NALF1: variants seen among roughly 807,000 people sequenced by gnomAD.
NALF1 encodes family with sequence similarity 155 member A.
Under a neutral mutation model 48.4 loss-of-function variants are expected in NALF1, and 3 were observed. The observed-to-expected ratio is 0.06, with a 90% CI of 0.03 to 0.16. The LOEUF (loss-of-function observed/expected upper bound fraction) is 0.16, where lower values mean the gene tolerates loss of function less well. NALF1 is among the 10% of genes least tolerant of loss of function. The pLI is 1.00. For missense variants in NALF1, 526 were observed against 571.5 expected (o/e 0.92, Z 0.81); for synonymous variants, 262 against 245.7 (o/e 1.07, Z -0.62).
chr13:107,682,513 C>T (rs1881332470), intron 1 of NALF1, among the ~76,000 whole-genome samples: 1 of 152,140 alleles, frequency 6.6e-6, no homozygotes, highest in African/African-American at 2.4e-5. Flanking sequence ...CCACATTCAG[C>T]TCAAATATTT....
intron 1 of NALF1, among the ~76,000 whole-genome samples, chr13:107,799,276 A>G (rs2138594691): frequency 6.6e-6 from 1 of 152,110 alleles, no homozygotes; most frequent in East Asian, 1.9e-4. Context: ...TTAGCCACAG[A>G]CTCCTCTCAT....
At chr13:107,590,981 A>G (rs1163583206) in intron 1 of NALF1, among the ~76,000 whole-genome samples, 3 of 152,040 alleles carry the variant, frequency 2.0e-5, no homozygotes, top group Non-Finnish European at 4.4e-5. Context: ...GCATTCTATT[A>G]GAAACTCTAG....
intron 1 of NALF1, among the ~76,000 whole-genome samples, chr13:107,283,821 G>A (rs559389121): frequency 2.6e-4 from 40 of 151,732 alleles, no homozygotes; most frequent in South Asian, 1.3e-3. Context: ...CACTATGCCC[G>A]GCTAATTTTT....
chr13:107,287,163 C>CTAAAAACATATGG (rs1415568446), intron 1 of NALF1, among the ~76,000 whole-genome samples: 4 of 152,168 alleles, frequency 2.6e-5, no homozygotes, highest in Admixed American at 6.5e-5. Context: ...CTGTTAGTGA[C>CTAAAAACATATGG]TAAAAACATA....
intron 1 of NALF1, among the ~76,000 whole-genome samples, chr13:107,422,627 C>T (rs147308237): frequency 5.3e-5 from 8 of 152,184 alleles, no homozygotes; most frequent in East Asian, 1.9e-4. Context: ...AATGGCTCCC[C>T]GCAAAAGCCA....
chr13:107,253,886 C>T (rs1041327431), intron 1 of NALF1, among the ~76,000 whole-genome samples: 3 of 152,020 alleles, frequency 2.0e-5, no homozygotes, highest in Non-Finnish European at 2.9e-5. Context: ...ACTCTGCAGC[C>T]GTCATCGCTT....
At chr13:107,453,665 C>T (rs1884779300) in intron 1 of NALF1, among the ~76,000 whole-genome samples, 1 of 152,244 alleles carries the variant, frequency 6.6e-6, no homozygotes, top group Non-Finnish European at 1.5e-5. Context: ...CTCTCTGTTA[C>T]TTATGCAAAT....
intron 1 of NALF1, among the ~76,000 whole-genome samples, chr13:107,392,023 T>A (rs1883635553): frequency 6.6e-6 from 1 of 151,982 alleles, no homozygotes; most frequent in African/African-American, 2.4e-5. Flanking sequence ...AAAGTCATGG[T>A]CTCAGTTTAG....
intron 1 of NALF1, among the ~76,000 whole-genome samples, chr13:107,837,366 CTAT>C (rs1182258061): frequency 6.6e-6 from 1 of 152,176 alleles, no homozygotes; most frequent in Admixed American, 6.5e-5. Context: ...CCTCCAGAGC[CTAT>C]TGAACCATAG....
chr13:107,811,032 T>G (rs1311124945), intron 1 of NALF1, among the ~76,000 whole-genome samples: 2 of 152,156 alleles, frequency 1.3e-5, no homozygotes, highest in Admixed American at 1.3e-4. Flanking sequence ...TAACGCACAA[T>G]TATATCCTGT....
intron 2 of NALF1, among the ~76,000 whole-genome samples, chr13:107,186,874 T>G (rs1171548437): frequency 6.6e-6 from 1 of 152,188 alleles, no homozygotes; most frequent in Non-Finnish European, 1.5e-5. Flanking sequence ...GAAATCAAGG[T>G]ATGGGATTTG....
intron 1 of NALF1, among the ~76,000 whole-genome samples, chr13:107,764,388 A>G (rs930132297): frequency 1.3e-5 from 2 of 152,114 alleles, no homozygotes; most frequent in Middle Eastern, 3.2e-3. Flanking sequence ...TATATATTAT[A>G]TATGTGTGCA....
chr13:107,389,583 C>T (rs1740345770), intron 1 of NALF1, among the ~76,000 whole-genome samples: 1 of 152,072 alleles, frequency 6.6e-6, no homozygotes, highest in Admixed American at 6.5e-5. Context: ...ATTAAGCTAC[C>T]AAGGTTGTGA....
At chr13:107,457,113 C>T (rs1594072936) in intron 1 of NALF1, among the ~76,000 whole-genome samples, 1 of 151,968 alleles carries the variant, frequency 6.6e-6, no homozygotes, top group East Asian at 1.9e-4. Flanking sequence ...TTCTTACTTT[C>T]TTACTTAGCT....
intron 1 of NALF1, among the ~76,000 whole-genome samples, chr13:107,825,569 A>G (rs931303983): frequency 1.3e-5 from 2 of 152,220 alleles, no homozygotes; most frequent in African/African-American, 4.8e-5. Context: ...AACTGCTGGA[A>G]ATATTATTTC....
intron 1 of NALF1, among the ~76,000 whole-genome samples, chr13:107,600,163 A>G (rs780725766): frequency 4.6e-5 from 7 of 152,194 alleles, no homozygotes; most frequent in Non-Finnish European, 7.3e-5. Flanking sequence ...GGCATTCAGA[A>G]TTCAAGGTTG....
chr13:107,828,642 CACACA>C (rs1459336931), intron 1 of NALF1, among the ~76,000 whole-genome samples: 10 of 147,272 alleles, frequency 6.8e-5, no homozygotes, highest in Non-Finnish European at 6.0e-5. Context: ...CACACACACA[CACACA>C]AATCTCCCAC....
At chr13:107,795,159 A>G (rs557712142) in intron 1 of NALF1, among the ~76,000 whole-genome samples, 2 of 152,342 alleles carry the variant, frequency 1.3e-5, no homozygotes, top group African/African-American at 4.8e-5. Flanking sequence ...TCAGAATGCA[A>G]GCGTAACTAC....
chr13:107,291,686 T>C (rs895509815), intron 1 of NALF1, among the ~76,000 whole-genome samples: 2 of 152,136 alleles, frequency 1.3e-5, no homozygotes, highest in South Asian at 2.1e-4. Flanking sequence ...TCTGATATAG[T>C]TTATATTGAT....
Sources: gnomAD v4.1 joint callset for allele counts (sites outside exome capture counted in the v4.1 genomes callset) on GRCh38, gnomAD v4.1.1 for gene constraint, MANE v1.5 for transcripts, NCBI Gene and HGNC (gene_info 2026-07-23, HGNC 2026-07-21) for gene names.